The following MARF1 variants were observed in gnomAD, a reference collection of about 807,000 sequenced individuals.
MARF1 encodes meiosis regulator and mRNA stability factor 1.
A neutral mutation model predicts 168.2 loss-of-function variants in MARF1; 24 were observed. The ratio of observed to expected loss-of-function variants is 0.14; its 90% CI spans 0.10 to 0.20. MARF1 has a LOEUF of 0.20. Among genes scored for constraint, MARF1 ranks in the 10% least tolerant of loss-of-function variants. The pLI is 1.00. For synonymous variants in MARF1, 868 were observed against 822.4 expected, an observed-to-expected ratio of 1.06 and a Z score of -0.95; for missense variants, 1,744 against 2,143.6, an observed-to-expected ratio of 0.81 and a Z score of 3.68.
intron 16 of MARF1, among the ~76,000 whole-genome samples, chr16:15,614,512 G>A (rs1244569718): frequency 1.1e-4 from 16 of 144,582 alleles, no homozygotes; most frequent in Admixed American, 5.0e-4. Flanking sequence ...AATCCTGGGC[G>A]CGGTGGCTCA....
intron 5 of MARF1, 94 bp downstream of exon 5, chr16:15,633,523 G>A: frequency 2.1e-6 from 2 of 948,876 alleles, no homozygotes; most frequent in South Asian, 3.3e-5. Flanking sequence ...TCCAGCCTGG[G>A]TGACACTTAG....
At chr16:15,630,996 G>C (rs1346650664) in intron 6 of MARF1, among the ~76,000 whole-genome samples, 1 of 152,058 alleles carries the variant, frequency 6.6e-6, no homozygotes, top group South Asian at 2.1e-4. Context: ...TGGGCGTGGT[G>C]GAACATGCCT....
intron 21 of MARF1, chr16:15,606,197 A>C (rs1185239357): frequency 6.6e-6 from 1 of 152,538 alleles, no homozygotes; most frequent in Non-Finnish European, 1.5e-5. Context: ...CAGCAGCATC[A>C]CTGCCTCCTA....
Position 15,641,267 on chromosome 16 carries a change from G to A in MARF1, c.-59+1751C>T, listed in dbSNP as rs1257096011. Reference sequence around the variant, plus strand: ...ATGCTCCCTACTCTGTAAATACAAAGTAAACATTACCTACTACACACTATT... The same window carrying A: ...ATGCTCCCTACTCTGTAAATACAAAATAAACATTACCTACTACACACTATT... On this transcript the variant is annotated intron_variant, in intron 1 of 26. Transcript: ENST00000396368. 8.5e-5 allele frequency among the ~76,000 whole-genome samples: 13 copies of A among 152,100 alleles called. 1 individual carries two copies. Among genetic ancestry groups the A allele is most frequent in the Admixed American group, 5.2e-4 (8 of 15,272 alleles).
At chr16:15,631,224 A>G (rs760543595) in intron 6 of MARF1, among the ~76,000 whole-genome samples, 157 bp downstream of exon 6, 132 of 152,348 alleles carry the variant, frequency 8.7e-4, no homozygotes, top group Non-Finnish European at 3.7e-4. Flanking sequence ...ACCTAGACCC[A>G]ATTTTTTTTC....
At chr16:15,599,379 G>A (rs999585624) in intron 25 of MARF1, among the ~76,000 whole-genome samples, 1 of 152,156 alleles carries the variant, frequency 6.6e-6, no homozygotes, top group East Asian at 1.9e-4. Flanking sequence ...CTCAGAATCC[G>A]AAGCCCTGGG....
chr16:15,598,513 G>A lies in MARF1; in HGVS notation c.4984+341C>T, dbSNP rs545378460. Among the ~76,000 whole-genome samples the A allele has an allele frequency of 3.3e-5, 5 of 152,228 alleles. No individual in the cohort carries two copies. The South Asian group carries it at 6.2e-4, about 19-fold the overall frequency. ...CCCACCATGGGTGACGTGTACATCT[G>A]GTGACAGGTGTGCCTGAGAGCAGCT... On this transcript the variant is annotated intron_variant, in intron 26 of 26. Transcript: ENST00000396368.
At chr16:15,602,783 G>T in intron 22 of MARF1, 1 of 375,380 alleles carries the variant, frequency 2.7e-6, no homozygotes, top group South Asian at 2.0e-5. Context: ...ATCGGGGGAG[G>T]CAAACTGTGT....
At chr16:15,616,102 G>C in intron 15 of MARF1, 97 bp from the exon 16 acceptor site, 1 of 1,037,450 alleles carries the variant, frequency 9.6e-7, no homozygotes, top group Non-Finnish European at 1.3e-6. Flanking sequence ...TAATGTATGT[G>C]TTAATCATTT....
chr16:15,635,255 G>C, intron 3 of MARF1: 1 of 399,800 alleles, frequency 2.5e-6, no homozygotes, highest in Non-Finnish European at 4.5e-6. Context: ...CAATGTGACT[G>C]AGGCCAAGCT....
At chr16:15,608,747 C>A (rs956235407) in intron 20 of MARF1, 7 of 552,532 alleles carry the variant, frequency 1.3e-5, no homozygotes, top group African/African-American at 1.1e-4. Context: ...AAGGTAAGTT[C>A]TATGTTATGT....
intron 1 of MARF1, among the ~76,000 whole-genome samples, chr16:15,642,661 A>AG (rs1567602447): frequency 6.6e-6 from 1 of 152,110 alleles, no homozygotes; most frequent in Non-Finnish European, 1.5e-5. Flanking sequence ...ACGGCCGGGG[A>AG]GGGGGGAGTG....
In MARF1 at chr16:15,611,082, G is replaced by C. The variant is rs755558803; in HGVS notation, c.3644C>G (p.Thr1215Ser). 6.2e-7 allele frequency: 1 copy of C among 1,613,780 alleles called. No individual in the cohort carries two copies. The highest frequency in any genetic ancestry group is 2.2e-5 in the East Asian group (1 of 44,874). ...HWCFSKDWDV[T>S]EYGVCELIDI... ...AATCAACTCACAAACACCATATTCA[G>C]TGACATCCCAGTCCTTTGAGAAACA... is the stretch of plus-strand genomic sequence containing the variant. The change falls in exon 19 of 27, where the codon ACT (threonine) becomes AGT (serine). Residue 1215 changes from threonine (T) to serine (S), a missense_variant. By Grantham distance (58) the Thr-to-Ser change is moderately conservative. Transcript: ENST00000396368.
At chr16:15,617,716 T>C (rs996396424) in intron 13 of MARF1, among the ~76,000 whole-genome samples, 181 bp from the exon 14 acceptor site, 8 of 152,184 alleles carry the variant, frequency 5.3e-5, no homozygotes, top group African/African-American at 1.9e-4. Flanking sequence ...TTGGTACTCC[T>C]GAGTCGTCTC....
intron 7 of MARF1, among the ~76,000 whole-genome samples, chr16:15,628,682 C>T (rs1332051801): frequency 1.3e-5 from 2 of 152,140 alleles, no homozygotes; most frequent in Admixed American, 6.5e-5. Flanking sequence ...TCCCAAAGTA[C>T]TGGGATTGCA....
At chr16:15,614,519 C>G (rs1182832128) in intron 16 of MARF1, among the ~76,000 whole-genome samples, 1 of 144,972 alleles carries the variant, frequency 6.9e-6, no homozygotes, top group Admixed American at 7.0e-5. Flanking sequence ...GGCGCGGTGG[C>G]TCACACCTGT....
At chr16:15,604,141 G>C in intron 22 of MARF1, 27 bp downstream of exon 22, 1 of 1,504,022 alleles carries the variant, frequency 6.6e-7, no homozygotes, top group Non-Finnish European at 9.3e-7. Flanking sequence ...TTCAATGATA[G>C]TTCTAAAGAG....
chr16:15,599,166 AAAAAAAAAAC>A lies in MARF1; in HGVS notation c.4814-152_4814-143del. On this transcript the variant is annotated intron_variant, in intron 25 of 26. Coordinates refer to ENST00000396368, the MANE Select transcript of MARF1 (RefSeq NM_014647.4). The stretch of plus-strand genomic sequence containing the variant: ...GTATTTAAGGTATTAAAAAAAAAAA[AAAAAAAAAAC>A]AAAAACCCAAAACCCACTAACAGGA... The A allele has an allele frequency of 6.3e-6, 5 of 799,238 alleles. No homozygotes were observed. The African/African-American group carries it at 7.2e-5, about 12-fold the overall frequency. 49.5% of individuals were successfully genotyped at this position (799,238 alleles called of 1,614,324 possible).
chr16:15,637,279 G>GCTGA (rs1432620564), intron 2 of MARF1, among the ~76,000 whole-genome samples: 6 of 152,172 alleles, frequency 3.9e-5, no homozygotes, highest in African/African-American at 1.4e-4. Flanking sequence ...GCCTTCACAG[G>GCTGA]CTGACTGCAA....
Sources: gnomAD v4.1 joint callset for allele counts (sites outside exome capture counted in the v4.1 genomes callset) on GRCh38, gnomAD v4.1.1 for gene constraint, MANE v1.5 for transcripts, NCBI Gene and HGNC (gene_info 2026-07-23, HGNC 2026-07-21) for gene names.